Variants in CXCL13 observed in about 807,000 individuals in gnomAD.
The protein encoded by CXCL13 is C-X-C motif chemokine 13.
In CXCL13, 7 loss-of-function variants were observed where a neutral mutation model predicts 12.2. The ratio of observed to expected loss-of-function variants is 0.57; its 90% CI spans 0.33 to 1.07. The LOEUF is 1.07. Ranked by LOEUF, CXCL13 falls within the 50% of genes least tolerant of loss-of-function variation. The pLI is 0.04. For synonymous variants in CXCL13, 47 were observed against 42.4 expected (o/e 1.11, Z -0.42); for missense variants, 113 against 127.4 (o/e 0.89, Z 0.55).
intron 1 of CXCL13, among the ~76,000 whole-genome samples, chr4:77,570,649 GC>G (rs1726049520): frequency 6.6e-6 from 1 of 152,192 alleles, no homozygotes; most frequent in Non-Finnish European, 1.5e-5. Flanking sequence ...CCCTCAGTTT[GC>G]AGGGAGGTGT....
At chr4:77,573,099 G>A (rs767316978) in intron 1 of CXCL13, among the ~76,000 whole-genome samples, 2 of 151,854 alleles carry the variant, frequency 1.3e-5, no homozygotes, top group African/African-American at 2.4e-5. Context: ...TGGAGGGTGG[G>A]AGAAGGAAGA....
chr4:77,566,724 G>T (rs1725931426), intron 1 of CXCL13, among the ~76,000 whole-genome samples: 1 of 151,924 alleles, frequency 6.6e-6, no homozygotes, highest in South Asian at 2.1e-4. Context: ...CATTTCCTTG[G>T]CCCTTTTAAT....
chr4:77,563,204 C>T (rs910793329), intron 1 of CXCL13, among the ~76,000 whole-genome samples: 7 of 151,988 alleles, frequency 4.6e-5, no homozygotes, highest in African/African-American at 7.3e-5. Context: ...TAACGCTCAC[C>T]GGGAGGGTCC....
intron 1 of CXCL13, among the ~76,000 whole-genome samples, chr4:77,521,864 C>T (rs1366344230): frequency 2.6e-5 from 4 of 152,066 alleles, no homozygotes; most frequent in African/African-American, 9.7e-5. Context: ...ATAAATTTTC[C>T]TCTACACACT....
intron 1 of CXCL13, among the ~76,000 whole-genome samples, chr4:77,520,386 T>C (rs1464536214): frequency 1.3e-5 from 2 of 152,306 alleles, no homozygotes; most frequent in East Asian, 3.9e-4. Context: ...CCTCTTTTAT[T>C]TCCTTGAGCA....
chr4:77,519,476 G>T (rs1349548030), intron 1 of CXCL13, among the ~76,000 whole-genome samples: 3 of 152,298 alleles, frequency 2.0e-5, no homozygotes, highest in Admixed American at 2.0e-4. Context: ...CAGTGATGAT[G>T]AGCATTTTTT....
At chr4:77,590,828 A>G (rs761965365) in intron 1 of CXCL13, among the ~76,000 whole-genome samples, 23 of 152,202 alleles carry the variant, frequency 1.5e-4, no homozygotes, top group Admixed American at 1.3e-3. Flanking sequence ...GTTAAATGCT[A>G]TTTTATGCCA....
chr4:77,586,677 G>A (rs1726472087), intron 1 of CXCL13, among the ~76,000 whole-genome samples: 1 of 152,158 alleles, frequency 6.6e-6, no homozygotes, highest in South Asian at 2.1e-4. Context: ...GACTGCTAGG[G>A]TGCCAGCATG....
chr4:77,533,660 C>A (rs1724985814), intron 1 of CXCL13, among the ~76,000 whole-genome samples: 1 of 152,182 alleles, frequency 6.6e-6, no homozygotes, highest in Non-Finnish European at 1.5e-5. Flanking sequence ...GGCAGGCCTC[C>A]TTGAGCTGTG....
chr4:77,559,182 C>G (rs1725736798), intron 1 of CXCL13, among the ~76,000 whole-genome samples: 1 of 152,146 alleles, frequency 6.6e-6, no homozygotes, highest in Admixed American at 6.5e-5. Context: ...GAAGCAGACT[C>G]TAGATAAAGA....
chr4:77,539,342 GT>G (rs1488595780), intron 1 of CXCL13, among the ~76,000 whole-genome samples: 16 of 152,152 alleles, frequency 1.1e-4, no homozygotes, highest in African/African-American at 3.9e-4. Flanking sequence ...GGCCAGGCTG[GT>G]CTCAAACTCC....
intron 1 of CXCL13, among the ~76,000 whole-genome samples, chr4:77,562,170 C>T (rs2109813372): frequency 1.5e-5 from 2 of 137,890 alleles, no homozygotes; most frequent in African/African-American, 5.2e-5. Flanking sequence ...CCACCGCTGC[C>T]CCCACCCCCC....
chr4:77,566,369 G>A (rs1446539602), intron 1 of CXCL13, among the ~76,000 whole-genome samples: 2 of 152,110 alleles, frequency 1.3e-5, no homozygotes, highest in African/African-American at 4.8e-5. Context: ...ACAAAACTTT[G>A]ACTTGCTAAT....
chr4:77,593,858 A>G (rs1021140155), intron 1 of CXCL13, among the ~76,000 whole-genome samples: 2 of 152,140 alleles, frequency 1.3e-5, no homozygotes, highest in African/African-American at 4.8e-5. Flanking sequence ...GACGAGTGCT[A>G]CCCCAGAGGT....
intron 1 of CXCL13, among the ~76,000 whole-genome samples, chr4:77,547,186 C>T (rs560538996): frequency 6.6e-6 from 1 of 152,134 alleles, no homozygotes. Context: ...GGTATAAGTG[C>T]ACTGTGGTGC....
intron 1 of CXCL13, among the ~76,000 whole-genome samples, chr4:77,607,330 TTTTTG>T (rs1727020744): frequency 6.6e-6 from 1 of 152,156 alleles, no homozygotes; most frequent in African/African-American, 2.4e-5. Flanking sequence ...TGAAAGCTAA[TTTTTG>T]TTTTGTTTTC....
chr4:77,515,415 G>A (rs1305647001), intron 1 of CXCL13, among the ~76,000 whole-genome samples: 1 of 152,082 alleles, frequency 6.6e-6, no homozygotes, highest in Admixed American at 6.5e-5. Flanking sequence ...CCATTTTCAC[G>A]ATATTGATTC....
At chr4:77,586,474 G>GA (rs558394986) in intron 1 of CXCL13, among the ~76,000 whole-genome samples, 56 of 152,260 alleles carry the variant, frequency 3.7e-4, no homozygotes, top group Admixed American at 7.8e-4. Context: ...CAGGTCAGCT[G>GA]AATATGAACT....
chr4:77,597,135 G>T (rs1726786087), intron 1 of CXCL13, among the ~76,000 whole-genome samples: 1 of 152,154 alleles, frequency 6.6e-6, no homozygotes, highest in South Asian at 2.1e-4. Flanking sequence ...CAGAGTAGTG[G>T]TTATCAAGGG....
Sources: allele counts gnomAD v4.1 joint callset (sites outside exome capture counted in the v4.1 genomes callset), GRCh38; gene constraint gnomAD v4.1.1; transcripts MANE v1.5; gene names NCBI Gene and HGNC (gene_info 2026-07-23, HGNC 2026-07-21).